Variants in PHIP observed in about 807,000 individuals in gnomAD.
PHIP encodes PHIP subunit of CUL4-Ring ligase complex, also known as PH-interacting protein.
In PHIP, 54 loss-of-function variants were observed where a neutral mutation model predicts 236.8. The observed-to-expected ratio is 0.23, with a 90% CI of 0.18 to 0.29. The LOEUF is 0.29. PHIP is among the 10% of genes least tolerant of loss of function. The probability of loss-of-function intolerance (pLI) is 1.00; values close to 1 mark genes in which losing one functional copy is unlikely to be tolerated. For synonymous variants in PHIP, 756 were observed against 718.9 expected, an observed-to-expected ratio of 1.05 and a Z score of -0.83; for missense variants, 1,370 against 2,190.8, an observed-to-expected ratio of 0.63 and a Z score of 7.48.
At chr6:79,013,616 C>CA (rs1408135266) in intron 15 of PHIP, among the ~76,000 whole-genome samples, 1 of 151,616 alleles carries the variant, frequency 6.6e-6, no homozygotes, top group Non-Finnish European at 1.5e-5. Context: ...ACTTAACTCT[C>CA]AAGGTGCTGC....
intron 24 of PHIP, among the ~76,000 whole-genome samples, chr6:78,972,291 A>G (rs1767641705): frequency 6.6e-6 from 1 of 152,176 alleles, no homozygotes; most frequent in Non-Finnish European, 1.5e-5. Flanking sequence ...ACTGCAGGGT[A>G]CTCCAACAGA....
intron 15 of PHIP, among the ~76,000 whole-genome samples, chr6:79,013,879 C>G (rs959760196): frequency 6.6e-6 from 1 of 151,150 alleles, no homozygotes; most frequent in Non-Finnish European, 1.5e-5. Context: ...GACTAATTTC[C>G]TTATTCAACA....
chr6:79,051,531 T>C (rs1345374128), intron 6 of PHIP, among the ~76,000 whole-genome samples: 1 of 152,176 alleles, frequency 6.6e-6, no homozygotes, highest in East Asian at 1.9e-4. Flanking sequence ...TTTCTAGATA[T>C]TCAATTTTGG....
At chr6:79,071,625 G>C (rs1209796668) in intron 4 of PHIP, among the ~76,000 whole-genome samples, 7 of 152,136 alleles carry the variant, frequency 4.6e-5, no homozygotes, top group African/African-American at 1.7e-4. Flanking sequence ...AAAATAGGAA[G>C]TTATTTTAAA....
intron 25 of PHIP, 74 bp from the exon 26 acceptor site, chr6:78,970,247 G>T: frequency 7.6e-7 from 1 of 1,311,180 alleles, no homozygotes; most frequent in Non-Finnish European, 1.1e-6. Flanking sequence ...ACATTGTTGA[G>T]AAAAAACTTC....
Position 78,940,877 on chromosome 6 carries a change from C to G in PHIP, c.5282G>C (p.Gly1761Ala). Residue 1761 changes from glycine to alanine, a missense_variant, in exon 40 of 40, where the codon GGC becomes GCC. Physicochemically the swap from Gly to Ala is moderately conservative, Grantham distance 60 (BLOSUM62 0). This residue lies in a region of PHIP where 309 missense variants were observed against 328.3 expected (regional missense o/e 0.94). Transcript: ENST00000275034. Reference sequence around the variant, plus strand: ...TCTAGTTCTCATGTGGGGTTCAGAGCCTTTGAGTTCTTCAAACTCTTCTTC... The same window carrying G: ...TCTAGTTCTCATGTGGGGTTCAGAGGCTTTGAGTTCTTCAAACTCTTCTTC... The part of the protein sequence containing the change: ...DEEEEFEELK[G>A]SEPHMRTRNQ... 2 of 1,613,864 alleles carry G rather than the reference C, an allele frequency of 1.2e-6. No homozygotes were observed. The highest frequency in any genetic ancestry group is 1.3e-5 in the African/African-American group (1 of 74,998).
chr6:78,935,754 T>C lies in PHIP; in HGVS notation c.*4939A>G, dbSNP rs1773251879. The C allele has an allele frequency of 3.0e-6, 3 of 985,192 alleles. No individual in the cohort carries two copies. Among genetic ancestry groups the C allele is most frequent in the Non-Finnish European group, 3.6e-6 (3 of 829,716 alleles). 61.0% of individuals were successfully genotyped at this position (985,192 alleles called of 1,614,324 possible). On this transcript the variant is annotated 3_prime_UTR_variant, in exon 40 of 40. Transcript: ENST00000275034. ...TAATGAACCAGCATTTACATAATGG[T>C]ATCTGCCATATGACCACTTTGGTAA...
intron 6 of PHIP, among the ~76,000 whole-genome samples, chr6:79,049,739 TA>T (rs1386749019): frequency 5.3e-5 from 8 of 152,230 alleles, no homozygotes; most frequent in African/African-American, 1.7e-4. Context: ...TCCAAGAAAA[TA>T]ATGCTATATT....
intron 17 of PHIP, among the ~76,000 whole-genome samples, chr6:79,000,442 TGCAG>T: frequency 6.6e-6 from 1 of 152,196 alleles, no homozygotes; most frequent in South Asian, 2.1e-4. Flanking sequence ...TCTCTCAACC[TGCAG>T]GACTGGAATA....
chr6:79,068,462 C>G (rs1773732509), intron 4 of PHIP, among the ~76,000 whole-genome samples: 1 of 152,102 alleles, frequency 6.6e-6, no homozygotes, highest in African/African-American at 2.4e-5. Context: ...GACTTTGTCT[C>G]AAAAACAAAG....
intron 32 of PHIP, chr6:78,957,939 T>C (rs1013403893): frequency 6.6e-6 from 1 of 152,066 alleles, no homozygotes; most frequent in Non-Finnish European, 1.5e-5. Flanking sequence ...TGCTGGACTA[T>C]TTAAATACTT....
intron 6 of PHIP, among the ~76,000 whole-genome samples, chr6:79,058,738 ACAAAG>A: frequency 6.6e-6 from 1 of 152,174 alleles, no homozygotes; most frequent in Admixed American, 6.6e-5. Context: ...GGAATTACTC[ACAAAG>A]CAAATGTTAT....
chr6:78,998,520 T>C, intron 17 of PHIP, 129 bp from the exon 18 acceptor site: 1 of 597,916 alleles, frequency 1.7e-6, no homozygotes. Flanking sequence ...AATGATCAAC[T>C]ATAAATGATG....
At chr6:79,031,411 GTTTCTT>G (rs1771665730) in intron 7 of PHIP, among the ~76,000 whole-genome samples, 2 of 152,100 alleles carry the variant, frequency 1.3e-5, no homozygotes, top group Admixed American at 6.5e-5. Context: ...AATTTACAGG[GTTTCTT>G]TTTAAGTCAA....
At chr6:79,074,352 T>C (rs1228347693) in intron 4 of PHIP, among the ~76,000 whole-genome samples, 1 of 152,022 alleles carries the variant, frequency 6.6e-6, no homozygotes, top group Non-Finnish European at 1.5e-5. Flanking sequence ...CTAGATCTCG[T>C]AAATATGCAA....
chr6:78,945,418 A>C lies in PHIP; in HGVS notation c.4710T>G (p.Thr1570=). ...TGTTTTCTTTTGCAGAATTATTCCT[A>C]GTGCCATGACTAAAACTGGATTGAC... ...SPGQSSFSHG[T]RNNSAKENME... is the part of the protein sequence containing the mutation. Residue 1570 remains threonine, a synonymous_variant, in exon 39 of 40, where the codon ACT becomes ACG. Coordinates refer to ENST00000275034, the MANE Select transcript of PHIP (RefSeq NM_017934.7). 6.2e-7 allele frequency: 1 copy of C among 1,611,538 alleles called. No individual in the cohort carries two copies. The highest frequency in any genetic ancestry group is 8.5e-7 in the Non-Finnish European group (1 of 1,177,698).
At chr6:78,958,910 A>C (rs1766593044) in intron 31 of PHIP, among the ~76,000 whole-genome samples, 1 of 152,020 alleles carries the variant, frequency 6.6e-6, no homozygotes, top group African/African-American at 2.4e-5. Flanking sequence ...GAGAGTTTTA[A>C]GTTTTGGCTT....
intron 29 of PHIP, 114 bp from the exon 30 acceptor site, chr6:78,963,366 T>TAC: frequency 1.4e-6 from 1 of 717,788 alleles, no homozygotes; most frequent in Non-Finnish European, 2.2e-6. Context: ...TATAGATTTG[T>TAC]AAATATACTC....
rs1340610976 is a variant in PHIP at position 79,067,719 on chromosome 6, T to A, written c.190-6901A>T. 5 of 153,064 alleles carry A rather than the reference T, an allele frequency of 3.3e-5. No homozygotes were observed. In the East Asian group the frequency reaches 9.7e-4, roughly 30 times the overall value. The allele number at this position is 153,064 out of a possible 1,614,324, so 9.5% of individuals were successfully genotyped here. ...AATGATTCATGGTTCTAGCAACGTTTCCATCAGCAAGAACAAAAGAATTCT... is the reference window on the plus strand; with the variant it reads ...AATGATTCATGGTTCTAGCAACGTTACCATCAGCAAGAACAAAAGAATTCT... On this transcript the variant is annotated intron_variant, in intron 4 of 39. Coordinates refer to ENST00000275034, the MANE Select transcript of PHIP (RefSeq NM_017934.7).
Sources: allele counts gnomAD v4.1 joint callset (sites outside exome capture counted in the v4.1 genomes callset), GRCh38; gene constraint gnomAD v4.1.1; regional missense constraint gnomAD v4.1.1; transcripts MANE v1.5; gene names NCBI Gene and HGNC (gene_info 2026-07-23, HGNC 2026-07-21).